USH2A: variants seen among roughly 807,000 people sequenced by gnomAD.
USH2A encodes the protein usherin.
In USH2A, 443 loss-of-function variants were observed where a neutral mutation model predicts 538.9. The observed-to-expected ratio is 0.82, with a 90% CI of 0.76 to 0.89. The LOEUF (loss-of-function observed/expected upper bound fraction) is 0.89, where lower values mean the gene tolerates loss of function less well. Among genes scored for constraint, USH2A ranks in the 40% least tolerant of loss-of-function variants. USH2A has a pLI of 0.00. For synonymous variants in USH2A, 2,413 were observed against 2,273.5 expected (o/e 1.06, Z -1.75); for missense variants, 6,633 against 6,324.8 (o/e 1.05, Z -1.65).
intron 32 of USH2A, among the ~76,000 whole-genome samples, chr1:216,015,178 C>T (rs541433533): frequency 6.6e-6 from 1 of 152,310 alleles, no homozygotes; most frequent in South Asian, 2.1e-4. Context: ...ACCACATCAT[C>T]TTGCTATTTG....
chr1:216,251,246 A>C, intron 11 of USH2A, 148 bp from the exon 12 acceptor site: 1 of 758,800 alleles, frequency 1.3e-6, no homozygotes, highest in Non-Finnish European at 2.2e-6. Flanking sequence ...CTTGACACAC[A>C]ACATGGGAGG....
chr1:216,235,437 C>T (rs2035789432), intron 13 of USH2A, among the ~76,000 whole-genome samples: 1 of 152,128 alleles, frequency 6.6e-6, no homozygotes. Flanking sequence ...AATCAGCTCG[C>T]TAGTTTATTA....
chr1:215,975,137 A>C (rs1167685179), intron 35 of USH2A, among the ~76,000 whole-genome samples: 1 of 152,122 alleles, frequency 6.6e-6, no homozygotes, highest in East Asian at 1.9e-4. Flanking sequence ...TCTTTTGAGA[A>C]GTGTCTGTTC....
chr1:215,823,800 ATCTAGTT>A (rs1663079988), intron 47 of USH2A, among the ~76,000 whole-genome samples: 1 of 151,404 alleles, frequency 6.6e-6, no homozygotes, highest in Non-Finnish European at 1.5e-5. Context: ...CTTTCCTCTG[ATCTAGTT>A]TGCTATTGAG....
Position 216,073,261 on chromosome 1 carries a change from C to A in USH2A, c.5612G>T (p.Gly1871Val), listed in dbSNP as rs140895792. 6.2e-7 allele frequency: 1 copy of A among 1,613,784 alleles called. No homozygotes were observed. The highest frequency in any genetic ancestry group is 8.5e-7 in the Non-Finnish European group (1 of 1,179,914). ...GCMKDVKFTR[G>V]AVVNLASVSS... is the part of the protein sequence containing the mutation. The stretch of plus-strand genomic sequence containing the variant: ...CACAGATGCCAAGTTAACGACAGCA[C>A]CCCGTGTAAATTTAACATCCTTCAT... The change falls in exon 28 of 72, where the codon GGT becomes GTT. Residue 1871 changes from glycine to valine, a missense_variant. Physicochemically the swap from Gly to Val is moderately radical, Grantham distance 109 (BLOSUM62 -3). Transcript: ENST00000307340.
At chr1:216,326,626 A>G (rs2037738653) in intron 5 of USH2A, among the ~76,000 whole-genome samples, 1 of 152,136 alleles carries the variant, frequency 6.6e-6, no homozygotes, top group African/African-American at 2.4e-5. Flanking sequence ...GGCAGTAAAT[A>G]CACCTAACAC....
chr1:215,656,755 A>G (rs1657267869), intron 64 of USH2A, among the ~76,000 whole-genome samples: 4 of 152,234 alleles, frequency 2.6e-5, no homozygotes, highest in African/African-American at 7.2e-5. Context: ...GGATAATGAC[A>G]ATATTTGATT....
intron 40 of USH2A, among the ~76,000 whole-genome samples, chr1:215,896,811 A>T (rs1210240576): frequency 6.6e-6 from 1 of 152,162 alleles, no homozygotes; most frequent in East Asian, 1.9e-4. Context: ...AGCTGTGGAC[A>T]TGCCAGGTGC....
intron 21 of USH2A, among the ~76,000 whole-genome samples, chr1:216,164,394 T>C (rs1489839105): frequency 2.0e-5 from 3 of 152,114 alleles, no homozygotes; most frequent in Non-Finnish European, 2.9e-5. Context: ...TTGAAAACTA[T>C]TGATAATCTA....
intron 54 of USH2A, among the ~76,000 whole-genome samples, 191 bp from the exon 55 acceptor site, chr1:215,780,232 A>G (rs1661591277): frequency 6.6e-6 from 1 of 152,040 alleles, no homozygotes; most frequent in Admixed American, 6.6e-5. Context: ...CTGACCTTGA[A>G]TATATTACAT....
intron 14 of USH2A, among the ~76,000 whole-genome samples, chr1:216,228,137 T>A (rs898489710): frequency 7.9e-5 from 12 of 152,082 alleles, no homozygotes; most frequent in African/African-American, 2.9e-4. Flanking sequence ...ATTGGAAAGA[T>A]GTGATATATC....
chr1:216,327,478 T>C, intron 5 of USH2A, 113 bp downstream of exon 5: 2 of 1,286,858 alleles, frequency 1.6e-6, no homozygotes, highest in Middle Eastern at 1.9e-4. Flanking sequence ...TAGGTGAAGT[T>C]TGCCAAATGG....
intron 30 of USH2A, among the ~76,000 whole-genome samples, chr1:216,066,042 A>T (rs1463787677): frequency 1.3e-5 from 2 of 152,182 alleles, no homozygotes. Context: ...CAATATTCTG[A>T]TATATTTTGC....
chr1:216,029,512 C>T (rs1276342357), intron 32 of USH2A, among the ~76,000 whole-genome samples: 4 of 151,766 alleles, frequency 2.6e-5, no homozygotes, highest in Admixed American at 2.0e-4. Flanking sequence ...AAATCAAAAC[C>T]TTTGAAACAA....
chr1:215,891,419 T>G (rs1234038278), intron 40 of USH2A, among the ~76,000 whole-genome samples: 1 of 152,166 alleles, frequency 6.6e-6, no homozygotes, highest in Non-Finnish European at 1.5e-5. Flanking sequence ...ACTCTTTCAA[T>G]TTAGTGCTTT....
chr1:215,949,030 G>T (rs998652802), intron 37 of USH2A, among the ~76,000 whole-genome samples: 1 of 152,050 alleles, frequency 6.6e-6, no homozygotes, highest in Non-Finnish European at 1.5e-5. Flanking sequence ...CTGGACTCAC[G>T]TTCTTTGAGT....
At position 215,666,607 on chromosome 1, in the gene USH2A, A is replaced by T. The variant is rs375679641; in HGVS notation, c.14133+4365T>A. 9.2e-5 allele frequency among the ~76,000 whole-genome samples: 14 copies of T among 152,242 alleles called. 1 individual carries two copies. In the South Asian group the frequency reaches 2.9e-3, roughly 32 times the overall value. On this transcript the variant is annotated intron_variant, in intron 64 of 71. Transcript: ENST00000307340. ...GAATCAGAACTACAGGGGAATGGGG[A>T]CTGGGTATCAGCACCCAGAATGTTG...
intron 3 of USH2A, among the ~76,000 whole-genome samples, chr1:216,370,483 C>G (rs993006714): frequency 6.6e-6 from 1 of 151,352 alleles, no homozygotes; most frequent in Non-Finnish European, 1.5e-5. Context: ...AGTTCAAAAC[C>G]AGCCTGGCCA....
intron 58 of USH2A, among the ~76,000 whole-genome samples, chr1:215,752,494 C>A (rs1450124500): frequency 6.6e-6 from 1 of 152,120 alleles, no homozygotes; most frequent in Non-Finnish European, 1.5e-5. Flanking sequence ...CTCTTTACAG[C>A]AATTTGAGAA....
Sources: gnomAD v4.1 joint callset for allele counts (sites outside exome capture counted in the v4.1 genomes callset) on GRCh38, gnomAD v4.1.1 for gene constraint, MANE v1.5 for transcripts, NCBI Gene and HGNC (gene_info 2026-07-23, HGNC 2026-07-21) for gene names.